The following ADGRL3 variants were observed in gnomAD, a reference collection of about 807,000 sequenced individuals.
ADGRL3 encodes calcium-independent alpha-latrotoxin receptor 3.
In ADGRL3, 62 loss-of-function variants were observed where a neutral mutation model predicts 153.5. The ratio of observed to expected loss-of-function variants is 0.40; its 90% CI spans 0.33 to 0.50. The LOEUF (loss-of-function observed/expected upper bound fraction) is 0.50, where lower values mean the gene tolerates loss of function less well. Among genes scored for constraint, ADGRL3 ranks in the 20% least tolerant of loss-of-function variants. The pLI is 0.47. For missense variants in ADGRL3, 1,641 were observed against 1,859.4 expected (o/e 0.88, Z 2.16); for synonymous variants, 710 against 672.5 (o/e 1.06, Z -0.86).
intron 1 of ADGRL3, among the ~76,000 whole-genome samples, chr4:61,373,125 G>C (rs1252770266): frequency 6.6e-6 from 1 of 152,140 alleles, no homozygotes; most frequent in Non-Finnish European, 1.5e-5. Flanking sequence ...TGCGCCCACT[G>C]TCTGGCACTC....
intron 8 of ADGRL3, among the ~76,000 whole-genome samples, chr4:61,790,808 G>A (rs887933054): frequency 3.3e-5 from 5 of 152,188 alleles, no homozygotes; most frequent in Non-Finnish European, 5.9e-5. Flanking sequence ...AATCATGGGA[G>A]AAGGCAAGGA....
chr4:61,521,285 C>A (rs530989428), intron 4 of ADGRL3, among the ~76,000 whole-genome samples: 4 of 152,084 alleles, frequency 2.6e-5, no homozygotes, highest in Non-Finnish European at 4.4e-5. Context: ...TCTGAGTAGA[C>A]GAAACAGCAA....
intron 8 of ADGRL3, among the ~76,000 whole-genome samples, chr4:61,769,588 G>A (rs2152294341): frequency 6.6e-6 from 1 of 152,208 alleles, no homozygotes; most frequent in South Asian, 2.1e-4. Context: ...CTTTGTGTGA[G>A]CAACATGGCT....
intron 2 of ADGRL3, among the ~76,000 whole-genome samples, chr4:61,454,040 G>A (rs1197546901): frequency 6.6e-6 from 1 of 151,936 alleles, no homozygotes; most frequent in Non-Finnish European, 1.5e-5. Context: ...AATCCATTTA[G>A]CCAGTATTTC....
At chr4:61,693,813 T>G (rs996208) in intron 6 of ADGRL3, among the ~76,000 whole-genome samples, 54,208 of 151,992 alleles carry the variant, frequency 0.36, 10,216 homozygotes, top group East Asian at 0.57. Flanking sequence ...TTGTGAAATT[T>G]GGTAAAGACT....
chr4:61,405,130 T>C (rs904791740), intron 2 of ADGRL3, among the ~76,000 whole-genome samples: 2 of 152,000 alleles, frequency 1.3e-5, no homozygotes, highest in African/African-American at 4.8e-5. Flanking sequence ...GAATCTTATA[T>C]GAGTTTAGAC....
chr4:61,229,944 T>TATAG (rs896082547), intron 1 of ADGRL3, among the ~76,000 whole-genome samples: 38 of 152,010 alleles, frequency 2.5e-4, no homozygotes, highest in East Asian at 1.7e-3. Flanking sequence ...ATACATATTA[T>TATAG]ATAGATAGAT....
At position 61,676,883 on chromosome 4, in the gene ADGRL3, G is replaced by T; in HGVS notation, c.531G>T (p.Pro177=). 1 of 1,612,018 alleles carries T rather than the reference G, an allele frequency of 6.2e-7. No homozygotes were observed. Among genetic ancestry groups the T allele is most frequent in the Non-Finnish European group, 8.5e-7 (1 of 1,178,568 alleles). Residue 177 remains proline, a synonymous_variant, in exon 6 of 27, where the codon CCG becomes CCT. Transcript: ENST00000683033. ...VVAGPDVFPD[P]CPGTYKYLEV... ...CAGGTCCTGATGTTTTTCCAGACCC[G>T]TGTCCAGGAACCTATAAATACCTTG... is the stretch of plus-strand genomic sequence containing the variant.
At chr4:61,779,051 C>G (rs2097184262) in intron 8 of ADGRL3, among the ~76,000 whole-genome samples, 1 of 145,716 alleles carries the variant, frequency 6.9e-6, no homozygotes, top group African/African-American at 2.7e-5. Context: ...GAGGGAGACT[C>G]TGTCTCAAAA....
chr4:61,776,435 A>G (rs1316614633), intron 8 of ADGRL3, among the ~76,000 whole-genome samples: 1 of 152,220 alleles, frequency 6.6e-6, no homozygotes, highest in Non-Finnish European at 1.5e-5. Flanking sequence ...CAGAATTCAC[A>G]TAAGAAATTG....
At chr4:61,330,582 G>T (rs1012511317) in intron 1 of ADGRL3, among the ~76,000 whole-genome samples, 4 of 152,092 alleles carry the variant, frequency 2.6e-5, no homozygotes, top group Non-Finnish European at 4.4e-5. Flanking sequence ...TCCTTCTGGT[G>T]GGTTCTTGGT....
At chr4:61,574,714 G>C (rs1399327965) in intron 4 of ADGRL3, among the ~76,000 whole-genome samples, 1 of 151,804 alleles carries the variant, frequency 6.6e-6, no homozygotes, top group Non-Finnish European at 1.5e-5. Context: ...ATTTCTAATG[G>C]TGGATGTATT....
At chr4:61,462,003 C>A (rs534977874) in intron 2 of ADGRL3, among the ~76,000 whole-genome samples, 13 of 152,158 alleles carry the variant, frequency 8.5e-5, no homozygotes, top group Admixed American at 8.5e-4. Context: ...ATTAACTGTA[C>A]AAGAGGTAAA....
intron 19 of ADGRL3, among the ~76,000 whole-genome samples, chr4:61,992,828 A>T (rs2099108079): frequency 6.6e-6 from 1 of 152,188 alleles, no homozygotes; most frequent in African/African-American, 2.4e-5. Flanking sequence ...AGCTGAGACC[A>T]TTTTCAAAAA....
intron 8 of ADGRL3, among the ~76,000 whole-genome samples, chr4:61,812,186 T>G (rs2097635703): frequency 6.6e-6 from 1 of 152,162 alleles, no homozygotes; most frequent in South Asian, 2.1e-4. Flanking sequence ...CAGTACACAA[T>G]TAGTGTCTTA....
intron 4 of ADGRL3, among the ~76,000 whole-genome samples, chr4:61,520,942 CA>C (rs2098527365): frequency 6.6e-6 from 1 of 152,104 alleles, no homozygotes; most frequent in Non-Finnish European, 1.5e-5. Context: ...AGAGCACCAA[CA>C]ACCAACTGGT....
chr4:61,355,781 A>G (rs1050575064), intron 1 of ADGRL3, among the ~76,000 whole-genome samples: 1 of 152,098 alleles, frequency 6.6e-6, no homozygotes, highest in African/African-American at 2.4e-5. Context: ...CTAGCACAGA[A>G]TAAAAGAAAT....
intron 12 of ADGRL3, among the ~76,000 whole-genome samples, chr4:61,911,907 A>G (rs2098723649): frequency 6.6e-6 from 1 of 152,180 alleles, no homozygotes. Flanking sequence ...TATTTATTTA[A>G]ACATGGTGGA....
intron 2 of ADGRL3, among the ~76,000 whole-genome samples, chr4:61,456,479 ATATATATAGATATATCTATATC>A (rs2097756084): frequency 1.5e-5 from 2 of 129,890 alleles, no homozygotes; most frequent in East Asian, 2.3e-4. Flanking sequence ...ATCTATATCT[ATATATATAGATATATCTATATC>A]TATATATATA....
Sources: allele counts gnomAD v4.1 joint callset (sites outside exome capture counted in the v4.1 genomes callset), GRCh38; gene constraint gnomAD v4.1.1; transcripts MANE v1.5; gene names NCBI Gene and HGNC (gene_info 2026-07-23, HGNC 2026-07-21).